Variants in LRGUK observed in about 807,000 individuals in gnomAD.
LRGUK encodes leucine rich repeats and guanylate kinase domain containing.
Under a neutral mutation model 76.0 loss-of-function variants are expected in LRGUK, and 65 were observed. The ratio of observed to expected loss-of-function variants is 0.85; its 90% CI spans 0.70 to 1.05. The LOEUF is 1.05. Ranked by LOEUF, LRGUK falls within the 50% of genes least tolerant of loss-of-function variation. The pLI, the probability that LRGUK is intolerant of heterozygous loss-of-function variation, is 0.00. For missense variants in LRGUK, 758 were observed against 732.8 expected (o/e 1.03, Z -0.40); for synonymous variants, 268 against 265.6 (o/e 1.01, Z -0.09).
intron 1 of LRGUK, among the ~76,000 whole-genome samples, chr7:134,129,065 CTCTT>C (rs947439013): frequency 1.5e-4 from 22 of 151,258 alleles, no homozygotes; most frequent in East Asian, 1.2e-3. Context: ...TTCTTTCTTT[CTCTT>C]TCTTTCTTTC....
At chr7:134,150,479 CA>C (rs11403705) in intron 5 of LRGUK, among the ~76,000 whole-genome samples, 33,306 of 134,506 alleles carry the variant, frequency 0.25, 4,394 homozygotes, top group South Asian at 0.36. Flanking sequence ...AACAAGCAAA[CA>C]AAAAAAAAAA....
At chr7:134,244,211 TTAAAC>T (rs1433314609) in intron 16 of LRGUK, among the ~76,000 whole-genome samples, 1 of 152,138 alleles carries the variant, frequency 6.6e-6, no homozygotes, top group African/African-American at 2.4e-5. Context: ...TGGGATATAA[TTAAAC>T]TAAAGAGCTT....
At chr7:134,253,332 A>C (rs1267719698) in intron 18 of LRGUK, among the ~76,000 whole-genome samples, 1 of 152,236 alleles carries the variant, frequency 6.6e-6, no homozygotes, top group Admixed American at 6.5e-5. Flanking sequence ...GTAGAGGTGG[A>C]GGGTCAATTT....
At chr7:134,254,329 T>C (rs1802520377) in intron 18 of LRGUK, among the ~76,000 whole-genome samples, 1 of 152,170 alleles carries the variant, frequency 6.6e-6, no homozygotes, top group Admixed American at 6.5e-5. Context: ...CTAGTTATCC[T>C]GCTTCTGGGA....
chr7:134,247,058 C>G (rs1156711341), intron 16 of LRGUK, among the ~76,000 whole-genome samples: 1 of 152,072 alleles, frequency 6.6e-6, no homozygotes, highest in South Asian at 2.1e-4. Context: ...ATCTGTATCC[C>G]CATTAAATGC....
Position 134,189,180 on chromosome 7 carries a change from G to A in LRGUK, c.1335-2475G>A, listed in dbSNP as rs149967704. On this transcript the variant is annotated intron_variant, in intron 11 of 15. Coordinates refer to ENST00000645682, the Ensembl canonical transcript of LRGUK. ...TTTTCTGTGTTAAGTGAAATCACAG[G>A]GATTGTGGTTCCCATTACAAACCAT... Among the ~76,000 whole-genome samples the A allele has an allele frequency of 4.4e-3, 670 of 152,170 alleles. 3 individuals carry two copies. Among genetic ancestry groups the A allele is most frequent in the African/African-American group, 0.015 (623 of 41,496 alleles).
At chr7:134,197,379 G>A (rs1431752664) in intron 13 of LRGUK, among the ~76,000 whole-genome samples, 6 of 152,150 alleles carry the variant, frequency 3.9e-5, no homozygotes, top group Non-Finnish European at 5.9e-5. Flanking sequence ...ACAGGAGTTC[G>A]GTTACAATAC....
intron 5 of LRGUK, among the ~76,000 whole-genome samples, chr7:134,154,195 G>C (rs1798362030): frequency 6.6e-6 from 1 of 152,168 alleles, no homozygotes; most frequent in African/African-American, 2.4e-5. Context: ...TCTTTCTCCT[G>C]ATACTGGTCT....
exon 20 of LRGUK, chr7:134,264,074 C>T (rs567878932): frequency 8.3e-7 from 1 of 1,197,788 alleles, no homozygotes; most frequent in Non-Finnish European, 1.1e-6. Flanking sequence ...TCTCACTCAA[C>T]CCATTACCCA....
chr7:134,227,991 G>A (rs1227106436), intron 16 of LRGUK, among the ~76,000 whole-genome samples: 3 of 152,052 alleles, frequency 2.0e-5, no homozygotes, highest in Non-Finnish European at 4.4e-5. Context: ...TTATGGTCCT[G>A]ATAAAAGTCA....
At chr7:134,161,789 C>T (rs911619682) in intron 6 of LRGUK, among the ~76,000 whole-genome samples, 2 of 148,800 alleles carry the variant, frequency 1.3e-5, no homozygotes, top group African/African-American at 2.5e-5. Flanking sequence ...CTCCCGGATT[C>T]ACGCCATTCT....
At chr7:134,154,388 G>A (rs1364803952) in intron 5 of LRGUK, among the ~76,000 whole-genome samples, 22 of 152,104 alleles carry the variant, frequency 1.4e-4, no homozygotes, top group Admixed American at 1.4e-3. Context: ...TGAGAGATTG[G>A]GGAGATAAAG....
intron 1 of LRGUK, among the ~76,000 whole-genome samples, 186 bp from the exon 2 acceptor site, chr7:134,136,837 A>G (rs1404838655): frequency 6.6e-6 from 1 of 152,218 alleles, no homozygotes; most frequent in African/African-American, 2.4e-5. Flanking sequence ...GATTTGGCAG[A>G]TAGTTATTTA....
At chr7:134,131,079 T>C (rs1338865545) in intron 1 of LRGUK, among the ~76,000 whole-genome samples, 1 of 152,226 alleles carries the variant, frequency 6.6e-6, no homozygotes, top group Non-Finnish European at 1.5e-5. Flanking sequence ...TACTGAATGA[T>C]TGCTATGCAG....
intron 6 of LRGUK, among the ~76,000 whole-genome samples, chr7:134,161,234 A>G (rs1798717795): frequency 6.6e-6 from 1 of 152,196 alleles, no homozygotes; most frequent in Non-Finnish European, 1.5e-5. Context: ...TAAATTTGAT[A>G]TGTGGGGATA....
rs373446113 is a variant in LRGUK, at chr7:134,233,008, TA to T, written c.1983+11099del. Among the ~76,000 whole-genome samples, 676 of 151,418 alleles carry T rather than the reference TA, an allele frequency of 4.5e-3. 3 individuals are homozygous for T. The highest frequency in any genetic ancestry group is 0.018 in the South Asian group (86 of 4,794). On this transcript the variant is annotated intron_variant, in intron 16 of 19. Coordinates refer to the LRGUK transcript ENST00000285928. ...AAACATTTTTCTTTGCAGGTTTGAG[TA>T]AAAAAAAAGTGCACAGCTCTTTTCT...
chr7:134,269,004 T>A (rs1204803479), downstream of LRGUK, among the ~76,000 whole-genome samples: 1 of 152,008 alleles, frequency 6.6e-6, no homozygotes, highest in Admixed American at 6.6e-5. Context: ...GTACTGGGAT[T>A]ACAGGCATGA....
At chr7:134,207,431 G>A (rs145947301) in intron 15 of LRGUK, among the ~76,000 whole-genome samples, 1 of 152,146 alleles carries the variant, frequency 6.6e-6, no homozygotes, top group African/African-American at 2.4e-5. Flanking sequence ...GTCTAAGCTA[G>A]TATTTCAGTT....
intron 7 of LRGUK, among the ~76,000 whole-genome samples, chr7:134,168,127 G>A (rs1351159373): frequency 6.6e-6 from 1 of 152,126 alleles, no homozygotes; most frequent in Admixed American, 6.5e-5. Flanking sequence ...GGAGGCCAAG[G>A]TAGGCTGATC....
Sources: gnomAD v4.1 joint callset for allele counts (sites outside exome capture counted in the v4.1 genomes callset) on GRCh38, gnomAD v4.1.1 for gene constraint, MANE v1.5 for transcripts, NCBI Gene and HGNC (gene_info 2026-07-23, HGNC 2026-07-21) for gene names.